The following UNC13C variants were observed in gnomAD, a reference collection of about 807,000 sequenced individuals.
UNC13C encodes protein unc-13 homolog C.
In UNC13C, 174 loss-of-function variants were observed where a neutral mutation model predicts 245.4. The observed-to-expected ratio is 0.71, with a 90% confidence interval of 0.63 to 0.80. The LOEUF (loss-of-function observed/expected upper bound fraction) is 0.80, where lower values mean the gene tolerates loss of function less well. Ranked by LOEUF, UNC13C falls within the 30% of genes least tolerant of loss-of-function variation. The pLI is 0.00. For missense variants in UNC13C, 2,829 were observed against 2,602.9 expected (o/e 1.09, Z -1.89); for synonymous variants, 992 against 895.1 (o/e 1.11, Z -1.93).
At chr15:54,622,589 A>G (rs1446976746) in intron 31 of UNC13C, among the ~76,000 whole-genome samples, 170 bp downstream of exon 31, 1 of 152,208 alleles carries the variant, frequency 6.6e-6, no homozygotes, top group Non-Finnish European at 1.5e-5. Flanking sequence ...AAAAATATCA[A>G]TGGCACTAAT....
chr15:53,905,318 C>G, the UNC13C span, among the ~76,000 whole-genome samples: 2 of 151,230 alleles, frequency 1.3e-5, no homozygotes, highest in Non-Finnish European at 2.9e-5. Flanking sequence ...TCTTAAGTGT[C>G]CTTTGGCAGA....
chr15:54,186,356 A>G (rs965554235), intron 4 of UNC13C, among the ~76,000 whole-genome samples: 1 of 152,182 alleles, frequency 6.6e-6, no homozygotes, highest in African/African-American at 2.4e-5. Context: ...CCAGTTTTCA[A>G]AGGGAATGTA....
chr15:53,982,280 G>A (rs1469647240), intron 1 of UNC13C, among the ~76,000 whole-genome samples: 1 of 152,072 alleles, frequency 6.6e-6, no homozygotes, highest in Non-Finnish European at 1.5e-5. Context: ...GGTGCAATAT[G>A]TCTTTTTGAT....
chr15:54,147,984 A>G (rs1188648879), intron 4 of UNC13C, among the ~76,000 whole-genome samples: 1 of 152,178 alleles, frequency 6.6e-6, no homozygotes, highest in Non-Finnish European at 1.5e-5. Context: ...CATAGCACTA[A>G]GTTCCTTGAG....
At chr15:54,107,405 T>G (rs1900500924) in intron 2 of UNC13C, among the ~76,000 whole-genome samples, 1 of 152,196 alleles carries the variant, frequency 6.6e-6, no homozygotes, top group South Asian at 2.1e-4. Flanking sequence ...GTTTAGTTTT[T>G]GATGCACTTG....
downstream of UNC13C, chr15:54,633,044 A>C (rs1901485402): frequency 6.6e-6 from 1 of 152,298 alleles, no homozygotes. Context: ...GCATGCCTGT[A>C]ATCCCAGCTA....
At chr15:53,880,844 C>T in the UNC13C span, among the ~76,000 whole-genome samples, 1 of 151,946 alleles carries the variant, frequency 6.6e-6, no homozygotes, top group African/African-American at 2.4e-5. Context: ...TTACAGAATA[C>T]CCAAGTGGGT....
chr15:53,912,146 G>A, the UNC13C span: 1 of 152,234 alleles, frequency 6.6e-6, no homozygotes, highest in Non-Finnish European at 1.5e-5. Flanking sequence ...CAACCCAATG[G>A]AATGCTGTTG....
intron 17 of UNC13C, among the ~76,000 whole-genome samples, chr15:54,366,861 C>G (rs956050123): frequency 6.6e-6 from 1 of 152,104 alleles, no homozygotes; most frequent in African/African-American, 2.4e-5. Flanking sequence ...GGAATACACT[C>G]AGTCCTCTGG....
chr15:54,287,151 A>C (rs1402372517), intron 10 of UNC13C, among the ~76,000 whole-genome samples: 2 of 152,162 alleles, frequency 1.3e-5, no homozygotes, highest in Non-Finnish European at 2.9e-5. Context: ...TGGTTTAGTG[A>C]GACTATGCAT....
chr15:54,175,918 A>T (rs1194306424), intron 4 of UNC13C, among the ~76,000 whole-genome samples: 1 of 152,154 alleles, frequency 6.6e-6, no homozygotes, highest in Admixed American at 6.5e-5. Flanking sequence ...CTAAATAGAA[A>T]TTTTTTTGAA....
At chr15:54,191,196 C>A (rs1005167354) in intron 4 of UNC13C, among the ~76,000 whole-genome samples, 3 of 152,116 alleles carry the variant, frequency 2.0e-5, no homozygotes, top group Non-Finnish European at 4.4e-5. Flanking sequence ...GCTATCGCTC[C>A]CCTAGCCCCC....
At chr15:54,019,175 C>G (rs1244618538) in intron 2 of UNC13C, among the ~76,000 whole-genome samples, 1 of 152,098 alleles carries the variant, frequency 6.6e-6, no homozygotes, top group East Asian at 1.9e-4. Flanking sequence ...GAAAACTTAC[C>G]TAGCTTAATG....
chr15:54,332,265 TTG>T (rs1029146995), intron 15 of UNC13C, among the ~76,000 whole-genome samples, 154 bp downstream of exon 15: 18 of 151,696 alleles, frequency 1.2e-4, no homozygotes, highest in African/African-American at 4.4e-4. Context: ...GTCTCCTTTT[TTG>T]TTCAGATTCT....
intron 20 of UNC13C, among the ~76,000 whole-genome samples, chr15:54,496,779 A>G (rs1309398637): frequency 6.6e-6 from 1 of 151,638 alleles, no homozygotes; most frequent in Non-Finnish European, 1.5e-5. Flanking sequence ...AGAAGCAAAG[A>G]GGCATGAGAA....
intron 17 of UNC13C, among the ~76,000 whole-genome samples, chr15:54,359,812 T>G (rs1345133884): frequency 6.6e-6 from 1 of 151,936 alleles, no homozygotes; most frequent in African/African-American, 2.4e-5. Context: ...TGGTTTTGTT[T>G]TTCATATTTT....
chr15:53,956,751 T>A, the UNC13C span, among the ~76,000 whole-genome samples: 52 of 151,592 alleles, frequency 3.4e-4, no homozygotes, highest in African/African-American at 1.1e-3. Flanking sequence ...AATGTCATGA[T>A]GTGGTCCAGG....
At chr15:53,853,261 G>A in the UNC13C span, among the ~76,000 whole-genome samples, 1 of 152,082 alleles carries the variant, frequency 6.6e-6, no homozygotes, top group African/African-American at 2.4e-5. Context: ...CCTTATAAAT[G>A]AGAACATGCA....
At chr15:54,462,949 C>A (rs536455500) in intron 19 of UNC13C, among the ~76,000 whole-genome samples, 1 of 152,232 alleles carries the variant, frequency 6.6e-6, no homozygotes, top group Admixed American at 6.5e-5. Flanking sequence ...ACTTTCGTGT[C>A]TAGCTAGAGA....
Sources: allele counts gnomAD v4.1 joint callset (sites outside exome capture counted in the v4.1 genomes callset), GRCh38; gene constraint gnomAD v4.1.1; transcripts MANE v1.5; gene names NCBI Gene and HGNC (gene_info 2026-07-23, HGNC 2026-07-21).